DNAJC3: variants seen among roughly 807,000 people sequenced by gnomAD.
DNAJC3 encodes the protein dnaJ homolog subfamily C member 3.
Under a neutral mutation model 68.6 loss-of-function variants are expected in DNAJC3, and 38 were observed. That is an observed-to-expected ratio of 0.55 (90% CI 0.43 to 0.73). The LOEUF (loss-of-function observed/expected upper bound fraction) is 0.73. DNAJC3 is among the 30% of genes least tolerant of loss of function. The probability of loss-of-function intolerance (pLI) is 0.00; values close to 1 mark genes in which losing one functional copy is unlikely to be tolerated. For missense variants in DNAJC3, 526 were observed against 591.9 expected, an observed-to-expected ratio of 0.89 and a Z score of 1.16; for synonymous variants, 203 against 204.0, an observed-to-expected ratio of 1.00 and a Z score of 0.04.
chr13:95,692,656 C>G (rs552578331), intron 1 of DNAJC3: 2 of 152,242 alleles, frequency 1.3e-5, no homozygotes, highest in Admixed American at 1.3e-4. Context: ...CAAACCTTTA[C>G]ACTGTTTAGG....
At chr13:95,686,281 G>A in intron 1 of DNAJC3, among the ~76,000 whole-genome samples, 1 of 152,144 alleles carries the variant, frequency 6.6e-6, no homozygotes, top group South Asian at 2.1e-4. Context: ...TTTTTAATGG[G>A]GTTCTTTGTT....
intron 4 of DNAJC3, chr13:95,742,567 A>G (rs1247476165): frequency 1.8e-5 from 8 of 446,566 alleles, no homozygotes; most frequent in Admixed American, 7.8e-5. Context: ...CCCCACATTC[A>G]GAGCCTCTTT....
rs1437913191 is a variant in DNAJC3, at chr13:95,793,921, T to TA, written c.*2892dup. On this transcript the variant is annotated 3_prime_UTR_variant, in exon 12 of 12. Coordinates refer to ENST00000602402, the MANE Select transcript of DNAJC3 (RefSeq NM_006260.5). ...GGATATTTTGCCCAGCAGGAAGTAT[T>TA]AGACACATCAGTCTAGAAGCATTGT... 3 of 152,200 alleles carry TA rather than the reference T, an allele frequency of 2.0e-5. No homozygotes were observed. Among genetic ancestry groups the TA allele is most frequent in the Non-Finnish European group, 4.4e-5 (3 of 68,044 alleles). The allele number at this position is 152,200 out of a possible 1,614,324, so 9.4% of individuals were successfully genotyped here.
At chr13:95,789,928 C>T (rs1307014614) in intron 11 of DNAJC3, among the ~76,000 whole-genome samples, 1 of 152,092 alleles carries the variant, frequency 6.6e-6, no homozygotes, top group Non-Finnish European at 1.5e-5. Context: ...TATATGTCTT[C>T]TTTTGAGAAG....
At position 95,691,420 on chromosome 13, in the gene DNAJC3, C is replaced by T. The variant is rs536512670; in HGVS notation, c.82+14083C>T. ...GACGCTCCTCACATCCCGGACGGGG[C>T]GGCAGGGCAGAGGTGCTCCTCACAT... On this transcript the variant is annotated intron_variant, in intron 1 of 11. Transcript: ENST00000602402. 1.9e-4 allele frequency among the ~76,000 whole-genome samples: 28 copies of T among 149,178 alleles called. 1 individual carries two copies. The highest frequency in any genetic ancestry group is 7.5e-3 in the Middle Eastern group (2 of 266).
At chr13:95,693,718 A>ACTAATAATCTTAAGCTAC (rs1880348882) in intron 1 of DNAJC3, 1 of 152,116 alleles carries the variant, frequency 6.6e-6, no homozygotes, top group African/African-American at 2.4e-5. Context: ...TCTTAAGCTA[A>ACTAATAATCTTAAGCTAC]AATATCCATT....
chr13:95,754,910 T>C (rs1020252088), intron 4 of DNAJC3, among the ~76,000 whole-genome samples: 2 of 152,110 alleles, frequency 1.3e-5, no homozygotes, highest in Non-Finnish European at 2.9e-5. Context: ...TTACGGGTTA[T>C]TTTTCCAGAA....
At chr13:95,771,866 T>G (rs568313017) in intron 9 of DNAJC3, among the ~76,000 whole-genome samples, 5 of 148,948 alleles carry the variant, frequency 3.4e-5, no homozygotes, top group Non-Finnish European at 7.5e-5. Context: ...GATCTTCATA[T>G]AAATACAGCC....
chr13:95,741,359 A>G (rs1368066425), intron 4 of DNAJC3, among the ~76,000 whole-genome samples: 1 of 152,082 alleles, frequency 6.6e-6, no homozygotes, highest in Non-Finnish European at 1.5e-5. Context: ...TGATTTCTTC[A>G]GTGGCTTAGG....
At chr13:95,703,091 T>C (rs957399027) in intron 1 of DNAJC3, among the ~76,000 whole-genome samples, 1 of 152,228 alleles carries the variant, frequency 6.6e-6, no homozygotes, top group Non-Finnish European at 1.5e-5. Context: ...TAGCAAATAT[T>C]GAACCATTTC....
intron 1 of DNAJC3, among the ~76,000 whole-genome samples, chr13:95,707,636 T>G (rs903729426): frequency 1.3e-5 from 2 of 152,196 alleles, no homozygotes; most frequent in African/African-American, 4.8e-5. Flanking sequence ...GTGTCACTCA[T>G]GGTCCGTTGA....
chr13:95,709,365 GTGTC>G (rs1880874257), intron 2 of DNAJC3, 28 bp downstream of exon 2: 3 of 1,532,404 alleles, frequency 2.0e-6, no homozygotes, highest in South Asian at 1.3e-5. Context: ...AAATCACTCA[GTGTC>G]TGTCTTAGTG....
chr13:95,775,707 T>G (rs1360754143), intron 9 of DNAJC3, among the ~76,000 whole-genome samples: 2 of 152,178 alleles, frequency 1.3e-5, no homozygotes, highest in African/African-American at 2.4e-5. Flanking sequence ...ATTAATGTAT[T>G]GTATAGCTGC....
intron 9 of DNAJC3, among the ~76,000 whole-genome samples, chr13:95,783,969 C>G (rs1042218087): frequency 6.6e-6 from 1 of 152,060 alleles, no homozygotes; most frequent in Non-Finnish European, 1.5e-5. Context: ...GGCTTCTTCC[C>G]GAGGCTCCAC....
chr13:95,775,989 A>T (rs7997611), intron 9 of DNAJC3, among the ~76,000 whole-genome samples: 2,568 of 149,514 alleles, frequency 0.017, 73 homozygotes, highest in African/African-American at 0.061. Flanking sequence ...TACTCTTTTT[A>T]TATATATATA....
chr13:95,729,553 G>GTTCTATTTTTAGTT (rs1287446982), intron 4 of DNAJC3, among the ~76,000 whole-genome samples: 1 of 152,016 alleles, frequency 6.6e-6, no homozygotes, highest in Non-Finnish European at 1.5e-5. Flanking sequence ...TTGTATAGTA[G>GTTCTATTTTTAGTT]TTCTATTTTT....
rs1268347615 is a variant in DNAJC3 at position 95,791,696 on chromosome 13, TGAA to T, written c.*673_*675del. On this transcript the variant is annotated 3_prime_UTR_variant, in exon 12 of 12. Transcript: ENST00000602402. ...ATGTACATTTTTTTGGTTCAGTACC[TGAA>T]GAAGAATACTGAAACTTGAATCTAT... 4 of 152,250 alleles carry T rather than the reference TGAA, an allele frequency of 2.6e-5. No homozygotes were observed. The highest frequency in any genetic ancestry group is 1.9e-4 in the East Asian group (1 of 5,202). The allele number at this position is 152,250 out of a possible 1,614,324, so 9.4% of individuals were successfully genotyped here.
At chr13:95,678,461 C>A (rs112888494) in intron 1 of DNAJC3, among the ~76,000 whole-genome samples, 24 of 152,120 alleles carry the variant, frequency 1.6e-4, no homozygotes, top group African/African-American at 4.8e-4. Context: ...ATTTTTTGAA[C>A]CCCAAATCAG....
chr13:95,703,123 A>G (rs1254692616), intron 1 of DNAJC3, among the ~76,000 whole-genome samples: 3 of 152,234 alleles, frequency 2.0e-5, no homozygotes, highest in Non-Finnish European at 4.4e-5. Context: ...ATACAGGGTT[A>G]AGTTTCTGCA....
Sources: gnomAD v4.1 joint callset for allele counts (sites outside exome capture counted in the v4.1 genomes callset) on GRCh38, gnomAD v4.1.1 for gene constraint, MANE v1.5 for transcripts, NCBI Gene and HGNC (gene_info 2026-07-23, HGNC 2026-07-21) for gene names.